ZNF619: variants seen among roughly 807,000 people sequenced by gnomAD.
ZNF619 encodes zinc finger protein 619.
Under a neutral mutation model 14.2 loss-of-function variants are expected in ZNF619, and 9 were observed. The observed-to-expected ratio is 0.64, with a 90% CI of 0.38 to 1.11. The LOEUF is 1.11. Ranked by LOEUF, ZNF619 falls within the 50% of genes least tolerant of loss-of-function variation. The pLI is 0.01. For missense variants in ZNF619, 659 were observed against 680.1 expected, an observed-to-expected ratio of 0.97 and a Z score of 0.34; for synonymous variants, 246 against 252.8, an observed-to-expected ratio of 0.97 and a Z score of 0.26.
At chr3:40,483,166 A>G (rs1697462970) in intron 4 of ZNF619, among the ~76,000 whole-genome samples, 1 of 152,188 alleles carries the variant, frequency 6.6e-6, no homozygotes, top group Admixed American at 6.5e-5. Context: ...CTAGGATCAC[A>G]CCATTCCACT....
chr3:40,488,090 T>A lies in ZNF619; in HGVS notation c.1580T>A (p.Val527Glu), dbSNP rs775303764. The change falls in exon 5 of 5, where the codon GTA (valine) becomes GAA (glutamate). Residue 527 changes from valine (V) to glutamate (E), a missense_variant. Physicochemically the swap from Val to Glu is moderately radical, Grantham distance 121 (BLOSUM62 -2). Coordinates refer to ENST00000432264, the MANE Select transcript of ZNF619 (RefSeq NM_001145093.4). ...GPPLSSSHAVVLPPSVPFFLL... is the reference protein window; with the variant it reads ...GPPLSSSHAVELPPSVPFFLL... ...CCCTTATCTTCTTCACATGCAGTGG[T>A]ACTTCCTCCCTCTGTGCCTTTCTTC... 8.1e-6 allele frequency: 13 copies of A among 1,614,090 alleles called. No homozygotes were observed. Among genetic ancestry groups the A allele is most frequent in the Non-Finnish European group, 1.1e-5 (13 of 1,180,038 alleles).
intron 4 of ZNF619, among the ~76,000 whole-genome samples, chr3:40,484,506 G>A (rs929597208): frequency 9.2e-5 from 14 of 152,246 alleles, no homozygotes; most frequent in African/African-American, 3.4e-4. Flanking sequence ...TAAGGCAAAT[G>A]CTCCTTTCTA....
Position 40,487,067 on chromosome 3 carries a change from G to T in ZNF619, c.557G>T (p.Ser186Ile), listed in dbSNP as rs1362336397. ...ATAGCCAGGAAATTGGAAGAAAGTA[G>T]TGTCAGCACACATCTCATTACAAAG... ...EEIARKLEESSVSTHLITKQG... is the reference protein window; with the variant it reads ...EEIARKLEESIVSTHLITKQG... The change falls in exon 5 of 5, where the codon AGT becomes ATT. Residue 186 changes from serine (S) to isoleucine (I), a missense_variant. By Grantham distance (142) the Ser-to-Ile change is moderately radical. Transcript: ENST00000432264. 6.2e-7 allele frequency: 1 copy of T among 1,614,154 alleles called. No homozygotes were observed. Among genetic ancestry groups the T allele is most frequent in the South Asian group, 1.1e-5 (1 of 91,088 alleles).
rs1200695348 is a variant in ZNF619, at chr3:40,488,765, A to C, written c.*524A>C. On this transcript the variant is annotated 3_prime_UTR_variant, in exon 5 of 5. Transcript: ENST00000432264. Reference sequence around the variant, plus strand: ...AACCTCTGCCTCCAGGGTTCAAGTGATTCTCATGCCTCAGCCTCCCGAGTA... The same window carrying C: ...AACCTCTGCCTCCAGGGTTCAAGTGCTTCTCATGCCTCAGCCTCCCGAGTA... 1 of 152,816 alleles carries C rather than the reference A, an allele frequency of 6.5e-6. No individual in the cohort carries two copies. Among genetic ancestry groups the C allele is most frequent in the African/African-American group, 2.4e-5 (1 of 41,304 alleles). The allele number at this position is 152,816 out of a possible 1,614,324, so 9.5% of individuals were successfully genotyped here.
At position 40,487,479 on chromosome 3, in the gene ZNF619, A is replaced by C; in HGVS notation, c.969A>C (p.Lys323Asn). 6.2e-7 allele frequency: 1 copy of C among 1,614,060 alleles called. No individual in the cohort carries two copies. The highest frequency in any genetic ancestry group is 1.1e-5 in the South Asian group (1 of 91,068). Residue 323 changes from lysine to asparagine, a missense_variant, in exon 5 of 5, where the codon AAA becomes AAC. Transcript: ENST00000432264. ...EKPFKCKECG[K>N]AFSCSYDCII... ...CCTTTAAATGTAAGGAATGTGGGAA[A>C]GCCTTCAGTTGTAGCTATGACTGCA...
intron 2 of ZNF619, among the ~76,000 whole-genome samples, chr3:40,479,339 A>G (rs1017000612): frequency 2.0e-5 from 3 of 152,188 alleles, no homozygotes; most frequent in East Asian, 1.9e-4. Flanking sequence ...TTCCAATACT[A>G]AGAAAGAAAG....
chr3:40,490,394 G>A lies in ZNF619; in HGVS notation c.*2153G>A, dbSNP rs1053795873. On this transcript the variant is annotated 3_prime_UTR_variant, in exon 5 of 5. Transcript: ENST00000432264. ...AGGCTTGAAAAATCTGGAAGATCAG[G>A]TCAGACAAAGCCTGTATTATCTAAT... Among the ~76,000 whole-genome samples the A allele has an allele frequency of 1.3e-5, 2 of 152,202 alleles. No individual in the cohort carries two copies. Among genetic ancestry groups the A allele is most frequent in the Admixed American group, 6.6e-5 (1 of 15,266 alleles).
In ZNF619 at chr3:40,481,854, C is replaced by G. The variant is rs765327865; in HGVS notation, c.25-9C>G. On this transcript the variant is annotated splice_polypyrimidine_tract_variant and intron_variant, in intron 2 of 4. Transcript: ENST00000432264. ...TGGAATTCAGGCCTCTCCCTCTGTT[C>G]TTGTGCAGGGCTTGGGCAGGAACCT... The G allele has an allele frequency of 6.3e-7, 1 of 1,596,568 alleles. No individual in the cohort carries two copies. Among genetic ancestry groups the G allele is most frequent in the Non-Finnish European group, 8.5e-7 (1 of 1,173,514 alleles).
chr3:40,478,616 T>G (rs1697280677), intron 2 of ZNF619, among the ~76,000 whole-genome samples: 1 of 152,106 alleles, frequency 6.6e-6, no homozygotes, highest in Non-Finnish European at 1.5e-5. Flanking sequence ...GTCTAACCTC[T>G]GTGAGAGTCT....
rs2125648458 is a variant in ZNF619 at position 40,490,450 on chromosome 3, TAGAAG to T, written c.*2216_*2220del. Among the ~76,000 whole-genome samples, 1 of 152,250 alleles carries T rather than the reference TAGAAG, an allele frequency of 6.6e-6. No homozygotes were observed. The highest frequency in any genetic ancestry group is 2.1e-4 in the South Asian group (1 of 4,830). On this transcript the variant is annotated 3_prime_UTR_variant, in exon 5 of 5. Transcript: ENST00000432264. ...ATTAAGGGTGATTTTGGCCAAGGCT[TAGAAG>T]AGAAGACTAGGGAAAGTCTGAACCT...
At chr3:40,480,522 G>C (rs1185017695) in intron 2 of ZNF619, among the ~76,000 whole-genome samples, 3 of 133,754 alleles carry the variant, frequency 2.2e-5, no homozygotes, top group Non-Finnish European at 3.1e-5. Context: ...TTTTTGAGAC[G>C]GAGTCTTGCT....
chr3:40,480,565 C>A (rs145458159), intron 2 of ZNF619, among the ~76,000 whole-genome samples: 32 of 144,996 alleles, frequency 2.2e-4, no homozygotes, highest in Admixed American at 2.0e-3. Context: ...GTGGTGCAAT[C>A]TCGGCTCACT....
Position 40,481,961 on chromosome 3 carries a change from G to A in ZNF619, c.123G>A (p.Gln41=). ...QNEWASLHPT[Q]RALYREVMLE... ...AATGGGCCAGCCTGCACCCTACGCA[G>A]AGGGCCCTATACAGGGAGGTGATGC... Residue 41 remains glutamine, a synonymous_variant, in exon 3 of 5, where the codon CAG becomes CAA. Transcript: ENST00000432264. 1 of 1,613,492 alleles carries A rather than the reference G, an allele frequency of 6.2e-7. No homozygotes were observed. The highest frequency in any genetic ancestry group is 1.1e-5 in the South Asian group (1 of 91,036).
rs1217846875 is a variant in ZNF619, at chr3:40,487,445, G to A, written c.935G>A (p.Gly312Glu). The part of the protein sequence containing the change: ...KLIRHQRIHT[G>E]EKPFKCKECG... Reference sequence around the variant, plus strand: ...ATTCGGCATCAGAGAATCCATACTGGGGAGAAGCCCTTTAAATGTAAGGAA... The same window carrying A: ...ATTCGGCATCAGAGAATCCATACTGAGGAGAAGCCCTTTAAATGTAAGGAA... Residue 312 changes from glycine to glutamate, a missense_variant, in exon 5 of 5, where the codon GGG (glycine) becomes GAG (glutamate). Coordinates refer to ENST00000432264, the MANE Select transcript of ZNF619 (RefSeq NM_001145093.4). 2 of 1,614,048 alleles carry A rather than the reference G, an allele frequency of 1.2e-6. No individual in the cohort carries two copies. Among genetic ancestry groups the A allele is most frequent in the African/African-American group, 2.7e-5 (2 of 74,912 alleles).
intron 4 of ZNF619, among the ~76,000 whole-genome samples, chr3:40,486,128 A>G (rs2125642268): frequency 6.6e-6 from 1 of 152,294 alleles, no homozygotes; most frequent in Non-Finnish European, 1.5e-5. Context: ...TCTGGATACT[A>G]TGTGGTGCTA....
rs1334079772 is a variant in ZNF619, at chr3:40,482,173, A to C, written c.178+157A>C. 63 of 1,543,952 alleles carry C rather than the reference A, an allele frequency of 4.1e-5. 1 individual carries two copies. The highest frequency in any genetic ancestry group is 1.4e-5 in the Non-Finnish European group (16 of 1,144,484). ...GCCAGGGGTAGCTGGATGGAGAAAGAGCTCGGTTCACTTTGGTGTTTAACA... is the reference window on the plus strand; with the variant it reads ...GCCAGGGGTAGCTGGATGGAGAAAGCGCTCGGTTCACTTTGGTGTTTAACA... On this transcript the variant is annotated intron_variant, in intron 3 of 4. Transcript: ENST00000432264.
At position 40,486,951 on chromosome 3, in the gene ZNF619, G is replaced by C; in HGVS notation, c.441G>C (p.Gln147His). ...PDFKDRLEKS[Q>H]LHDTGNKTKI... ...TCAAGGACAGGTTAGAGAAGTCACAGCTACATGATACAGGGAATAAAACAA... is the reference window on the plus strand; with the variant it reads ...TCAAGGACAGGTTAGAGAAGTCACACCTACATGATACAGGGAATAAAACAA... Residue 147 changes from glutamine (Q) to histidine (H), a missense_variant, in exon 5 of 5, where the codon CAG (glutamine) becomes CAC (histidine). By Grantham distance (24) the Gln-to-His change is conservative. Transcript: ENST00000432264. 6.2e-7 allele frequency: 1 copy of C among 1,614,162 alleles called. No individual in the cohort carries two copies. The highest frequency in any genetic ancestry group is 8.5e-7 in the Non-Finnish European group (1 of 1,180,042).
At position 40,482,695 on chromosome 3, in the gene ZNF619, A is replaced by C. The variant is rs1354163532; in HGVS notation, c.286A>C (p.Met96Leu). 5 of 1,613,220 alleles carry C rather than the reference A, an allele frequency of 3.1e-6. No homozygotes were observed. In the Admixed American group the frequency reaches 8.3e-5, roughly 27 times the overall value. ...TLAGGEALRG[M>L]CTGGKTKTEN... ...TGCTGGGGGAGAGGCCCTGAGAGGC[A>C]TGTGCACAGGTGAGCAGGAGAGCCT... Residue 96 changes from methionine (M) to leucine (L), a missense_variant, in exon 4 of 5, where the codon ATG becomes CTG. Transcript: ENST00000432264.
chr3:40,487,736 T>C lies in ZNF619; in HGVS notation c.1226T>C (p.Phe409Ser). Residue 409 changes from phenylalanine (F) to serine (S), a missense_variant, in exon 5 of 5, where the codon TTC (phenylalanine) becomes TCC (serine). Physicochemically the swap from Phe to Ser is radical, Grantham distance 155. Transcript: ENST00000432264. ...LYKCNECWKT[F>S]SCSSRFIVHQ... ...AAATGTAATGAATGTTGGAAAACTT[T>C]CAGCTGTAGCTCCCGCTTCATAGTG... is the stretch of plus-strand genomic sequence containing the variant. 6.2e-7 allele frequency: 1 copy of C among 1,614,162 alleles called. No individual in the cohort carries two copies. Among genetic ancestry groups the C allele is most frequent in the Non-Finnish European group, 8.5e-7 (1 of 1,180,036 alleles).
Sources: allele counts gnomAD v4.1 joint callset (sites outside exome capture counted in the v4.1 genomes callset), GRCh38; gene constraint gnomAD v4.1.1; transcripts MANE v1.5; gene names NCBI Gene and HGNC (gene_info 2026-07-23, HGNC 2026-07-21).